The following TMEM140 variants were observed in gnomAD, a reference collection of about 807,000 sequenced individuals.
TMEM140 encodes the protein transmembrane protein 140.
For missense variants in TMEM140, 236 were observed against 228.5 expected, an observed-to-expected ratio of 1.03 and a Z score of -0.21; for synonymous variants, 107 against 106.8, an observed-to-expected ratio of 1.00 and a Z score of -0.01.
Position 135,152,630 on chromosome 7 carries a change from A to G in TMEM140, c.-25+4360A>G, listed in dbSNP as rs187778831. Reference sequence around the variant, plus strand: ...TTTTGAGGTCTGTTTTTAATTATTAATAAGTTCTCACTAAAGTTAGATTCC... The same window carrying G: ...TTTTGAGGTCTGTTTTTAATTATTAGTAAGTTCTCACTAAAGTTAGATTCC... On this transcript the variant is annotated intron_variant, in intron 1 of 1. Coordinates refer to ENST00000275767, the MANE Select transcript of TMEM140 (RefSeq NM_018295.5). 2.0e-5 allele frequency among the ~76,000 whole-genome samples: 3 copies of G among 152,352 alleles called. 1 individual carries two copies. Among genetic ancestry groups the G allele is most frequent in the Admixed American group, 2.0e-4 (3 of 15,306 alleles).
chr7:135,164,461 G>C lies in TMEM140; in HGVS notation c.20G>C (p.Arg7Pro), dbSNP rs3800592. The C allele has an allele frequency of 6.3e-7, 1 of 1,597,988 alleles. No homozygotes were observed. Among genetic ancestry groups the C allele is most frequent in the African/African-American group, 1.3e-5 (1 of 74,584 alleles). The change falls in exon 2 of 2, where the codon CGG (arginine) becomes CCG (proline). Residue 7 changes from arginine to proline, a missense_variant. By Grantham distance (103) the Arg-to-Pro change is moderately radical. Transcript: ENST00000275767. The part of the protein sequence containing the change: MAGPRP[R>P]WRDQLLFMSI... The stretch of plus-strand genomic sequence containing the variant: ...GTAGAGATGGCCGGCCCAAGGCCTC[G>C]GTGGCGCGACCAGCTGCTGTTCATG...
At chr7:135,158,745 A>G (rs1829856093) in intron 1 of TMEM140, among the ~76,000 whole-genome samples, 1 of 152,272 alleles carries the variant, frequency 6.6e-6, no homozygotes, top group African/African-American at 2.4e-5. Flanking sequence ...ATCTGTCTCA[A>G]TAGCAGCCCA....
At chr7:135,148,982 T>C (rs1460394641) in intron 1 of TMEM140, among the ~76,000 whole-genome samples, 2 of 152,084 alleles carry the variant, frequency 1.3e-5, no homozygotes, top group Non-Finnish European at 2.9e-5. Flanking sequence ...AAAAGACACA[T>C]ATTTCCTTCT....
At position 135,164,798 on chromosome 7, in the gene TMEM140, CCTGG is replaced by C. The variant is rs1158164620; in HGVS notation, c.361_364del (p.Ala121CysfsTer31). 5 of 1,614,024 alleles carry C rather than the reference CCTGG, an allele frequency of 3.1e-6. No individual in the cohort carries two copies. The African/African-American group carries it at 6.7e-5, about 22-fold the overall frequency. Reference sequence around the variant, plus strand: ...GAGCGTGGCGGCTGGCAGTGGGCTTCCTGGCTGTGTCCTCTGTGCTGCTGGCAGG... The same window carrying C: ...GAGCGTGGCGGCTGGCAGTGGGCTTCCTGTGTCCTCTGTGCTGCTGGCAGG... On this transcript the variant is annotated frameshift_variant, in exon 2 of 2. Coordinates refer to ENST00000275767, the MANE Select transcript of TMEM140 (RefSeq NM_018295.5). LOFTEE classifies it low-confidence loss of function (END_TRUNC).
intron 1 of TMEM140, among the ~76,000 whole-genome samples, chr7:135,157,725 C>T (rs1562924234): frequency 6.6e-6 from 1 of 152,190 alleles, no homozygotes; most frequent in Admixed American, 6.5e-5. Flanking sequence ...GTTGGGTGAG[C>T]TACTCCCCAG....
chr7:135,158,921 T>C (rs932301151), intron 1 of TMEM140, among the ~76,000 whole-genome samples: 1 of 152,246 alleles, frequency 6.6e-6, no homozygotes, highest in African/African-American at 2.4e-5. Context: ...ATGTGAGATT[T>C]TGTATTGGTT....
Position 135,148,264 on chromosome 7 carries a change from C to G in TMEM140, c.-31C>G. ...GAGTGTTCCTGTGGTCTCTGCACCT[C>G]CTTTCTGTAAGTACCGATCCTGCAA... On this transcript the variant is annotated 5_prime_UTR_variant, in exon 1 of 2. Coordinates refer to ENST00000275767, the MANE Select transcript of TMEM140 (RefSeq NM_018295.5). The G allele has an allele frequency of 2.7e-6, 1 of 370,696 alleles. No individual in the cohort carries two copies. The highest frequency in any genetic ancestry group is 5.3e-6 in the Non-Finnish European group (1 of 189,086). The allele number at this position is 370,696 out of a possible 1,614,324, so 23.0% of individuals were successfully genotyped here. A position where few individuals can be genotyped will look rare whatever the true frequency, so the allele number is the denominator to read the frequency against.
chr7:135,152,180 T>C (rs1477612199), intron 1 of TMEM140, among the ~76,000 whole-genome samples: 1 of 152,264 alleles, frequency 6.6e-6, no homozygotes, highest in Non-Finnish European at 1.5e-5. Flanking sequence ...GGCAGAAGGA[T>C]GTTAAGTAAC....
chr7:135,152,333 T>A (rs1281521330), intron 1 of TMEM140, among the ~76,000 whole-genome samples: 1 of 152,192 alleles, frequency 6.6e-6, no homozygotes, highest in Non-Finnish European at 1.5e-5. Context: ...CACAAGGGTG[T>A]TGTGAAGATT....
At position 135,164,564 on chromosome 7, in the gene TMEM140, C is replaced by T. The variant is rs1292291588; in HGVS notation, c.123C>T (p.Asp41=). 6.2e-6 allele frequency: 10 copies of T among 1,614,212 alleles called. No individual in the cohort carries two copies. Among genetic ancestry groups the T allele is most frequent in the Non-Finnish European group, 8.5e-6 (10 of 1,180,010 alleles). ...ALLWEAGNLT[D]LPNLRIGFYN... ...TCTGGGAGGCTGGCAACCTCACTGA[C>T]CTGCCCAACCTGAGAATCGGCTTCT... Residue 41 remains aspartate, a synonymous_variant, in exon 2 of 2, where the codon GAC becomes GAT. Coordinates refer to ENST00000275767, the MANE Select transcript of TMEM140 (RefSeq NM_018295.5).
At chr7:135,150,282 G>A (rs947818868) in intron 1 of TMEM140, among the ~76,000 whole-genome samples, 1 of 152,156 alleles carries the variant, frequency 6.6e-6, no homozygotes, top group Admixed American at 6.5e-5. Context: ...GGCTTTCCCT[G>A]ACCCTATAAT....
chr7:135,154,054 A>G (rs1040442086), intron 1 of TMEM140, among the ~76,000 whole-genome samples: 8 of 152,058 alleles, frequency 5.3e-5, no homozygotes, highest in African/African-American at 1.7e-4. Flanking sequence ...TCCTGGTTCA[A>G]TCTTGGGGGA....
At chr7:135,155,707 C>T (rs1350175274) in intron 1 of TMEM140, among the ~76,000 whole-genome samples, 14 of 152,026 alleles carry the variant, frequency 9.2e-5, no homozygotes, top group Non-Finnish European at 5.9e-5. Flanking sequence ...AAAAATTAAC[C>T]GGGCATGGTG....
intron 1 of TMEM140, among the ~76,000 whole-genome samples, chr7:135,158,668 G>A (rs1175622029): frequency 1.3e-5 from 2 of 151,822 alleles, no homozygotes; most frequent in African/African-American, 4.8e-5. Flanking sequence ...TTGGGCCTGG[G>A]ATCAGAGAGT....
chr7:135,149,564 A>G (rs983372220), intron 1 of TMEM140, among the ~76,000 whole-genome samples: 2 of 152,220 alleles, frequency 1.3e-5, no homozygotes, highest in African/African-American at 4.8e-5. Context: ...CCAAAGAGAT[A>G]TGACTATTTT....
rs1022579330 is a variant in TMEM140, at chr7:135,161,440, T to C, written c.-24-2978T>C. On this transcript the variant is annotated intron_variant, in intron 1 of 1. Transcript: ENST00000275767. This position sits in a 1 kb window ranked among gnomAD's most constrained non-coding sequence, Gnocchi z 4.1. ...TCCCTTCCCAGTTGGTCCTGAACAATGGAGGAGGTCAAACCTTCTTTTCCA... is the reference window on the plus strand; with the variant it reads ...TCCCTTCCCAGTTGGTCCTGAACAACGGAGGAGGTCAAACCTTCTTTTCCA... 2.0e-5 allele frequency among the ~76,000 whole-genome samples: 3 copies of C among 152,154 alleles called. No individual in the cohort carries two copies. Among genetic ancestry groups the C allele is most frequent in the Admixed American group, 6.5e-5 (1 of 15,288 alleles).
At position 135,148,092 on chromosome 7, in the gene TMEM140, C is replaced by T. The variant is rs184613889; in HGVS notation, c.-203C>T. On this transcript the variant is annotated 5_prime_UTR_variant, in exon 1 of 2. It adds an upstream start codon to the 5' untranslated region. Coordinates refer to ENST00000275767, the MANE Select transcript of TMEM140 (RefSeq NM_018295.5). ...AGTTCAGAGAGCTGTTTACTAGGCA[C>T]GACTGCGAAGGCAAGGGGGCACCAG... The T allele has an allele frequency of 1.8e-5, 8 of 456,058 alleles. No homozygotes were observed. The highest frequency in any genetic ancestry group is 1.4e-4 in the Admixed American group (6 of 42,512). 28.3% of individuals were successfully genotyped at this position (456,058 alleles called of 1,614,324 possible).
chr7:135,164,295 G>C, intron 1 of TMEM140, 123 bp from the exon 2 acceptor site: 1 of 748,366 alleles, frequency 1.3e-6, no homozygotes, highest in Non-Finnish European at 2.1e-6. Context: ...CCTTGGTGGA[G>C]GGCAGGGTAG....
chr7:135,161,669 T>C lies in TMEM140; in HGVS notation c.-24-2749T>C, dbSNP rs558160797. ...CTTATCATCCCAGACTAATGCCACC[T>C]TTTCAATTCCCAATAATTCCTTCCG... On this transcript the variant is annotated intron_variant, in intron 1 of 1. Coordinates refer to ENST00000275767, the MANE Select transcript of TMEM140 (RefSeq NM_018295.5). The surrounding 1 kb of genome is among the most constrained non-coding windows in gnomAD (Gnocchi z 4.1). Among the ~76,000 whole-genome samples, 3 of 152,366 alleles carry C rather than the reference T, an allele frequency of 2.0e-5. No homozygotes were observed. In the East Asian group the frequency reaches 5.8e-4, roughly 29 times the overall value.
Sources: allele counts gnomAD v4.1 joint callset (sites outside exome capture counted in the v4.1 genomes callset), GRCh38; gene constraint gnomAD v4.1.1; non-coding constraint Gnocchi (gnomAD v3.1); transcripts MANE v1.5; gene names NCBI Gene and HGNC (gene_info 2026-07-23, HGNC 2026-07-21).